HPSE2: variants seen among roughly 807,000 people sequenced by gnomAD.
HPSE2 encodes inactive heparanase-2.
HPSE2 carries 38 observed loss-of-function variants against 60.5 expected under a neutral mutation model. The ratio of observed to expected loss-of-function variants is 0.63; its 90% CI spans 0.48 to 0.82. HPSE2 has a LOEUF of 0.82. HPSE2 is among the 40% of genes least tolerant of loss of function. The pLI is 0.00. For missense variants in HPSE2, 713 were observed against 740.4 expected, an observed-to-expected ratio of 0.96 and a Z score of 0.43; for synonymous variants, 295 against 293.2, an observed-to-expected ratio of 1.01 and a Z score of -0.06.
chr10:99,125,081 C>G (rs1019388173), intron 3 of HPSE2, among the ~76,000 whole-genome samples: 1 of 152,286 alleles, frequency 6.6e-6, no homozygotes, highest in African/African-American at 2.4e-5. Flanking sequence ...AAAGTTGAAT[C>G]GGGGTATTTT....
rs1361924455 is a variant in HPSE2, at chr10:99,232,225, A to G, written c.448+123T>C. 1.9e-3 allele frequency: 2,050 copies of G among 1,077,874 alleles called. 16 individuals are homozygous for G. The highest frequency in any genetic ancestry group is 0.012 in the African/African-American group (761 of 62,950). The allele number at this position is 1,077,874 out of a possible 1,614,324, so 66.8% of individuals were successfully genotyped here. Reference sequence around the variant, plus strand: ...CGCGCGCGCGCGCATACACACACACACACACACACACACACACACACACAC... The same window carrying G: ...CGCGCGCGCGCGCATACACACACACGCACACACACACACACACACACACAC... On this transcript the variant is annotated intron_variant, in intron 2 of 11. Coordinates refer to ENST00000370552, the MANE Select transcript of HPSE2 (RefSeq NM_021828.5).
intron 9 of HPSE2, among the ~76,000 whole-genome samples, chr10:98,538,094 C>G (rs1231943333): frequency 6.6e-6 from 1 of 152,210 alleles, no homozygotes; most frequent in East Asian, 1.9e-4. Context: ...AGAAGATTCA[C>G]CCTTCTTACC....
Position 98,521,526 on chromosome 10 carries a change from A to G in HPSE2, c.1321-31330T>C, listed in dbSNP as rs962493970. ...TGTGGAGAAATAGGAATGTTTTTACACTGCTGGTGGGAGTGTAAATTAGTT... is the reference window on the plus strand; with the variant it reads ...TGTGGAGAAATAGGAATGTTTTTACGCTGCTGGTGGGAGTGTAAATTAGTT... On this transcript the variant is annotated intron_variant, in intron 9 of 11. Transcript: ENST00000370552. Among the ~76,000 whole-genome samples the G allele has an allele frequency of 6.8e-4, 103 of 152,340 alleles. 1 individual carries two copies. Among genetic ancestry groups the G allele is most frequent in the Non-Finnish European group, 3.1e-4 (21 of 68,036 alleles).
intron 2 of HPSE2, among the ~76,000 whole-genome samples, chr10:99,145,182 C>T (rs1268878387): frequency 2.6e-5 from 4 of 152,172 alleles, no homozygotes; most frequent in Non-Finnish European, 5.9e-5. Flanking sequence ...TTCAGCCAGG[C>T]GTGGTGGCTC....
intron 3 of HPSE2, among the ~76,000 whole-genome samples, chr10:99,068,318 C>T (rs564711506): frequency 1.2e-4 from 19 of 152,136 alleles, no homozygotes; most frequent in Non-Finnish European, 2.8e-4. Flanking sequence ...TCTCATGTTG[C>T]TAATAAAGAC....
intron 3 of HPSE2, among the ~76,000 whole-genome samples, chr10:99,097,186 A>G (rs927945922): frequency 3.9e-5 from 6 of 152,194 alleles, no homozygotes; most frequent in Middle Eastern, 3.2e-3. Context: ...GAAAAAAGCA[A>G]CACCACTATT....
intron 3 of HPSE2, among the ~76,000 whole-genome samples, chr10:98,852,359 A>G (rs1245909164): frequency 6.6e-6 from 1 of 152,036 alleles, no homozygotes. Flanking sequence ...GCTGGCCATA[A>G]AGAATTCTCT....
chr10:98,556,950 C>G (rs1302836004), intron 9 of HPSE2, among the ~76,000 whole-genome samples: 1 of 152,156 alleles, frequency 6.6e-6, no homozygotes, highest in Non-Finnish European at 1.5e-5. Flanking sequence ...GTGGCTCACA[C>G]CTGTAATCCC....
intron 3 of HPSE2, among the ~76,000 whole-genome samples, chr10:98,930,047 C>A (rs1376239294): frequency 7.0e-6 from 1 of 143,348 alleles, no homozygotes; most frequent in Non-Finnish European, 1.5e-5. Context: ...CATAGGTAAA[C>A]GTGTGTCATG....
chr10:98,580,836 A>ATATATATAATATATGTGTGTGTGTGTG, intron 9 of HPSE2, among the ~76,000 whole-genome samples: 3 of 119,530 alleles, frequency 2.5e-5, no homozygotes, highest in African/African-American at 1.1e-4. Context: ...ATATATATAT[A>ATATATATAATATATGTGTGTGTGTGTG]TGTGTGTGTG....
At chr10:98,722,325 T>C (rs928949723) in intron 4 of HPSE2, among the ~76,000 whole-genome samples, 6 of 150,356 alleles carry the variant, frequency 4.0e-5, no homozygotes, top group African/African-American at 1.5e-4. Context: ...ACAACAAAGA[T>C]TGGAGAGATG....
At chr10:98,773,015 A>C (rs769142733) in intron 3 of HPSE2, among the ~76,000 whole-genome samples, 9 of 152,084 alleles carry the variant, frequency 5.9e-5, no homozygotes, top group African/African-American at 2.4e-5. Flanking sequence ...CTTCTTTTGG[A>C]GGCCTTTAAC....
chr10:98,508,293 C>T (rs890116920), intron 9 of HPSE2, among the ~76,000 whole-genome samples: 8 of 152,134 alleles, frequency 5.3e-5, no homozygotes, highest in African/African-American at 1.9e-4. Flanking sequence ...CAATTGCTGT[C>T]TGAAAGCTAG....
At chr10:98,903,225 C>G (rs1242430402) in intron 3 of HPSE2, among the ~76,000 whole-genome samples, 1 of 151,866 alleles carries the variant, frequency 6.6e-6, no homozygotes, top group Admixed American at 6.6e-5. Context: ...ATAAGAAAAA[C>G]TATAGAGATA....
chr10:98,996,946 G>T (rs1349114968), intron 3 of HPSE2, among the ~76,000 whole-genome samples: 1 of 151,966 alleles, frequency 6.6e-6, no homozygotes, highest in African/African-American at 2.4e-5. Context: ...ATAGTGTTGG[G>T]GTAACACAAG....
chr10:98,760,154 A>C (rs1483933904), intron 3 of HPSE2, among the ~76,000 whole-genome samples: 1 of 152,066 alleles, frequency 6.6e-6, no homozygotes, highest in Non-Finnish European at 1.5e-5. Flanking sequence ...TACTGAATTC[A>C]TTTATTAATT....
intron 3 of HPSE2, among the ~76,000 whole-genome samples, chr10:98,845,935 G>A (rs1442930789): frequency 6.6e-6 from 1 of 152,190 alleles, no homozygotes; most frequent in African/African-American, 2.4e-5. Context: ...CCAACCAATA[G>A]GAATTCTTTT....
chr10:99,090,772 ATCTG>A (rs1407076381), intron 3 of HPSE2, among the ~76,000 whole-genome samples: 1 of 152,056 alleles, frequency 6.6e-6, no homozygotes, highest in East Asian at 1.9e-4. Context: ...GTGATCAAAG[ATCTG>A]TCTACCTCAA....
chr10:98,873,485 G>A (rs1952788353), intron 3 of HPSE2, among the ~76,000 whole-genome samples: 1 of 152,028 alleles, frequency 6.6e-6, no homozygotes, highest in Admixed American at 6.6e-5. Context: ...GTGTTAGTTT[G>A]CTGAGTATGA....
Sources: gnomAD v4.1 joint callset for allele counts (sites outside exome capture counted in the v4.1 genomes callset) on GRCh38, gnomAD v4.1.1 for gene constraint, MANE v1.5 for transcripts, NCBI Gene and HGNC (gene_info 2026-07-23, HGNC 2026-07-21) for gene names.